XKR4: variants seen among roughly 807,000 people sequenced by gnomAD.
XKR4 encodes XK-related protein 4.
XKR4 carries 12 observed loss-of-function variants against 53.9 expected under a neutral mutation model. The ratio of observed to expected loss-of-function variants is 0.22; its 90% CI spans 0.14 to 0.36. The LOEUF (loss-of-function observed/expected upper bound fraction) is 0.36. Ranked by LOEUF, XKR4 falls within the 10% of genes least tolerant of loss-of-function variation. The pLI is 1.00. For missense variants in XKR4, 799 were observed against 859.5 expected, an observed-to-expected ratio of 0.93 and a Z score of 0.88; for synonymous variants, 354 against 362.4, an observed-to-expected ratio of 0.98 and a Z score of 0.26.
intron 2 of XKR4, among the ~76,000 whole-genome samples, chr8:55,422,374 T>C (rs1478157849): frequency 2.6e-5 from 4 of 152,140 alleles, no homozygotes; most frequent in Admixed American, 2.6e-4. Context: ...TGTATATGGG[T>C]AGAGCACTGG....
chr8:55,292,707 T>C (rs1819047873), intron 1 of XKR4, among the ~76,000 whole-genome samples: 1 of 152,158 alleles, frequency 6.6e-6, no homozygotes, highest in African/African-American at 2.4e-5. Flanking sequence ...TCTTTCTAGG[T>C]TCTAGAGGTA....
intron 1 of XKR4, among the ~76,000 whole-genome samples, chr8:55,132,142 C>A (rs758146915): frequency 1.3e-5 from 2 of 152,208 alleles, no homozygotes; most frequent in Non-Finnish European, 2.9e-5. Flanking sequence ...ATTTATTGAG[C>A]TTGTATCATG....
At chr8:55,194,438 C>T (rs1817479933) in intron 1 of XKR4, among the ~76,000 whole-genome samples, 1 of 152,156 alleles carries the variant, frequency 6.6e-6, no homozygotes, top group Admixed American at 6.5e-5. Flanking sequence ...GCCTTCTACC[C>T]ATATACCACG....
At chr8:55,133,112 T>C (rs1375222189) in intron 1 of XKR4, among the ~76,000 whole-genome samples, 1 of 152,220 alleles carries the variant, frequency 6.6e-6, no homozygotes, top group East Asian at 1.9e-4. Context: ...AGGGGCCTTG[T>C]TTGTCTTGTT....
chr8:55,355,979 A>G (rs1460159667), intron 1 of XKR4, among the ~76,000 whole-genome samples: 1 of 152,190 alleles, frequency 6.6e-6, no homozygotes, highest in Non-Finnish European at 1.5e-5. Flanking sequence ...TAACCAAAAG[A>G]ACCTATACTC....
intron 1 of XKR4, among the ~76,000 whole-genome samples, chr8:55,260,452 T>G (rs552849056): frequency 6.6e-6 from 1 of 152,342 alleles, no homozygotes; most frequent in East Asian, 1.9e-4. Context: ...GCAGTATTGT[T>G]GTCTGGTGTA....
intron 2 of XKR4, among the ~76,000 whole-genome samples, chr8:55,478,419 C>A (rs1806039170): frequency 1.3e-5 from 2 of 152,016 alleles, no homozygotes; most frequent in East Asian, 1.9e-4. Flanking sequence ...TGGAAAGGAA[C>A]AACCGGTACC....
At position 55,537,184 on chromosome 8, in the gene XKR4, C is replaced by T. The variant is rs991672549; in HGVS notation, c.*12957C>T. ...CCAAGCACCAACTGGTTACCACAAA[C>T]ATGGGAATATTTAGTGATATCTTTG... On this transcript the variant is annotated 3_prime_UTR_variant, in exon 3 of 3. Transcript: ENST00000327381. The T allele has an allele frequency of 7.2e-5, 11 of 152,190 alleles. No homozygotes were observed. The highest frequency in any genetic ancestry group is 1.6e-4 in the Non-Finnish European group (11 of 68,038). The allele number at this position is 152,190 out of a possible 1,614,324, so 9.4% of individuals were successfully genotyped here.
At position 55,283,384 on chromosome 8, in the gene XKR4, C is replaced by A. The variant is rs192009079; in HGVS notation, c.807-74294C>A. Among the ~76,000 whole-genome samples the A allele has an allele frequency of 2.6e-5, 4 of 152,340 alleles. No individual in the cohort carries two copies. In the East Asian group the frequency reaches 7.7e-4, roughly 29 times the overall value. Reference sequence around the variant, plus strand: ...TCACCAGCTGCTCTGTGGCCCAAGGCAATTCCAGACTTCTCTGAAACTCAG... The same window carrying A: ...TCACCAGCTGCTCTGTGGCCCAAGGAAATTCCAGACTTCTCTGAAACTCAG... On this transcript the variant is annotated intron_variant, in intron 1 of 2. Coordinates refer to ENST00000327381, the MANE Select transcript of XKR4 (RefSeq NM_052898.2).
intron 2 of XKR4, among the ~76,000 whole-genome samples, chr8:55,361,696 C>T (rs186273335): frequency 3.3e-5 from 5 of 152,206 alleles, no homozygotes; most frequent in African/African-American, 1.2e-4. Flanking sequence ...AACAAGATTC[C>T]TGAGCAAGTT....
chr8:55,110,709 G>T (rs190791544), intron 1 of XKR4, among the ~76,000 whole-genome samples: 1 of 152,162 alleles, frequency 6.6e-6, no homozygotes, highest in East Asian at 1.9e-4. Context: ...GAATAGTCAG[G>T]GTGGAGAAGC....
chr8:55,196,375 G>T (rs1050217129), intron 1 of XKR4, among the ~76,000 whole-genome samples: 2 of 151,930 alleles, frequency 1.3e-5, no homozygotes, highest in Non-Finnish European at 2.9e-5. Context: ...TAGAGATGGG[G>T]TTTCTCCATG....
chr8:55,161,373 T>C (rs565356079), intron 1 of XKR4: 6 of 359,404 alleles, frequency 1.7e-5, no homozygotes, highest in South Asian at 1.2e-4. Flanking sequence ...TGTAATGGGA[T>C]TGGTTGGTCC....
intron 1 of XKR4, among the ~76,000 whole-genome samples, chr8:55,341,771 C>T (rs961543909): frequency 3.9e-5 from 6 of 152,146 alleles, no homozygotes; most frequent in African/African-American, 1.4e-4. Context: ...ACCTCCTGAA[C>T]ATTCACACCT....
intron 2 of XKR4, among the ~76,000 whole-genome samples, chr8:55,485,637 G>T (rs897463300): frequency 6.6e-6 from 1 of 152,130 alleles, no homozygotes; most frequent in Non-Finnish European, 1.5e-5. Context: ...CTCCAAAAGT[G>T]ATCCGTCTGC....
chr8:55,519,479 T>C (rs1806767776), intron 2 of XKR4, among the ~76,000 whole-genome samples: 1 of 152,196 alleles, frequency 6.6e-6, no homozygotes, highest in Non-Finnish European at 1.5e-5. Context: ...GGAACACCTT[T>C]TTTTTTCTTT....
intron 2 of XKR4, among the ~76,000 whole-genome samples, chr8:55,398,647 G>A (rs1585555715): frequency 6.6e-6 from 1 of 152,066 alleles, no homozygotes; most frequent in Admixed American, 6.5e-5. Flanking sequence ...TTAAAATAAA[G>A]ACACTGAGTA....
chr8:55,145,732 T>C (rs922362090), intron 1 of XKR4, among the ~76,000 whole-genome samples: 1 of 152,244 alleles, frequency 6.6e-6, no homozygotes, highest in Non-Finnish European at 1.5e-5. Flanking sequence ...TCTAATTACA[T>C]GTATGCTCAT....
chr8:55,449,789 G>C, intron 2 of XKR4: 1 of 1,196,802 alleles, frequency 8.4e-7, no homozygotes, highest in Non-Finnish European at 1.2e-6. Flanking sequence ...GGCCTTCCAG[G>C]GCTTCATGAA....
Sources: allele counts gnomAD v4.1 joint callset (sites outside exome capture counted in the v4.1 genomes callset), GRCh38; gene constraint gnomAD v4.1.1; transcripts MANE v1.5; gene names NCBI Gene and HGNC (gene_info 2026-07-23, HGNC 2026-07-21).